FYN: variants seen among roughly 807,000 people sequenced by gnomAD.
FYN encodes the protein FYN proto-oncogene, Src family tyrosine kinase.
Under a neutral mutation model 70.2 loss-of-function variants are expected in FYN, and 10 were observed. The observed-to-expected ratio is 0.14, with a 90% CI of 0.09 to 0.24. The LOEUF is 0.24. FYN is among the 10% of genes least tolerant of loss of function. The pLI is 1.00. For missense variants in FYN, 319 were observed against 673.1 expected, an observed-to-expected ratio of 0.47 and a Z score of 5.82; for synonymous variants, 236 against 248.6, an observed-to-expected ratio of 0.95 and a Z score of 0.48.
intron 12 of FYN, among the ~76,000 whole-genome samples, chr6:111,692,954 G>A (rs1474096742): frequency 2.0e-5 from 3 of 152,190 alleles, no homozygotes; most frequent in South Asian, 2.1e-4. Flanking sequence ...GCCCAGCACC[G>A]GGGGTGTATG....
In FYN at chr6:111,853,458, C is replaced by T. The variant is rs118164292; in HGVS notation, c.-122-6829G>A. Among the ~76,000 whole-genome samples, 140 of 152,010 alleles carry T rather than the reference C, an allele frequency of 9.2e-4. 2 individuals are homozygous for T. In the East Asian group the frequency reaches 0.024, roughly 26 times the overall value. ...CCTTCTGACAAAGAAGGCACATAGC[C>T]AGGTGTATGTTCCCTGGAAGCTTAA... On this transcript the variant is annotated intron_variant, in intron 1 of 13. Coordinates refer to ENST00000354650, the MANE Select transcript of FYN (RefSeq NM_002037.5).
intron 2 of FYN, among the ~76,000 whole-genome samples, chr6:111,790,247 TACACACACACACACACACACACACACAC>T (rs61565042): frequency 7.9e-5 from 10 of 125,874 alleles, no homozygotes; most frequent in Non-Finnish European, 1.3e-4. Flanking sequence ...GAACCTTAGA[TACACACACACACACACACACACACACAC>T]ACACACACAC....
intron 3 of FYN, among the ~76,000 whole-genome samples, chr6:111,740,632 GGCCCTGGCCTATGTGTCTA>G: frequency 6.6e-6 from 1 of 152,224 alleles, no homozygotes; most frequent in South Asian, 2.1e-4. Context: ...ATCCTGCTCT[GGCCCTGGCCTATGTGTCTA>G]GCCCCATCTT....
chr6:111,793,445 C>T (rs1344873124), intron 2 of FYN, among the ~76,000 whole-genome samples: 5 of 151,968 alleles, frequency 3.3e-5, no homozygotes, highest in African/African-American at 4.8e-5. Flanking sequence ...TTGGGATAAA[C>T]GGGTTTTCCC....
At chr6:111,785,501 A>G (rs1251832982) in intron 2 of FYN, among the ~76,000 whole-genome samples, 1 of 152,074 alleles carries the variant, frequency 6.6e-6, no homozygotes, top group African/African-American at 2.4e-5. Flanking sequence ...AACACACACA[A>G]ACTCTGGTTA....
chr6:111,849,893 G>A lies in FYN; in HGVS notation c.-122-3264C>T, dbSNP rs148383735. On this transcript the variant is annotated intron_variant, in intron 1 of 13. Transcript: ENST00000354650. ...GATTTCCTCTTCTCTGTGTTCCCACGGCACTTTGTGCAGAGCCTGTTTCGT... is the reference window on the plus strand; with the variant it reads ...GATTTCCTCTTCTCTGTGTTCCCACAGCACTTTGTGCAGAGCCTGTTTCGT... Among the ~76,000 whole-genome samples, 1,435 of 152,232 alleles carry A rather than the reference G, an allele frequency of 9.4e-3. 12 individuals are homozygous for A. The highest frequency in any genetic ancestry group is 0.02 in the Middle Eastern group (6 of 294).
At chr6:111,864,316 G>A (rs918151779) in intron 1 of FYN, among the ~76,000 whole-genome samples, 2 of 152,196 alleles carry the variant, frequency 1.3e-5, no homozygotes, top group African/African-American at 4.8e-5. Context: ...TCAGATCCCA[G>A]CTCTGTCACT....
chr6:111,821,975 A>C (rs931072344), intron 2 of FYN, among the ~76,000 whole-genome samples: 1 of 152,142 alleles, frequency 6.6e-6, no homozygotes, highest in Non-Finnish European at 1.5e-5. Flanking sequence ...AAAAATCAGG[A>C]AAGAACAGGT....
At position 111,661,541 on chromosome 6, in the gene FYN, G is replaced by A. The variant is rs1797729631; in HGVS notation, c.*198C>T. ...CTGAGAAATAACAAGGTTCTGTCTC[G>A]AATGCTTCACAGAGGAGGTTCGGAT... On this transcript the variant is annotated 3_prime_UTR_variant, in exon 14 of 14. Coordinates refer to ENST00000354650, the MANE Select transcript of FYN (RefSeq NM_002037.5). This position sits in a 1 kb window ranked among gnomAD's most constrained non-coding sequence, Gnocchi z 4.0. The A allele has an allele frequency of 1.4e-5, 8 of 569,732 alleles. No individual in the cohort carries two copies. The highest frequency in any genetic ancestry group is 2.5e-5 in the Non-Finnish European group (8 of 321,198). The allele number at this position is 569,732 out of a possible 1,614,324, so 35.3% of individuals were successfully genotyped here.
At chr6:111,862,583 G>A (rs1230213480) in intron 1 of FYN, among the ~76,000 whole-genome samples, 1 of 152,152 alleles carries the variant, frequency 6.6e-6, no homozygotes, top group Non-Finnish European at 1.5e-5. Flanking sequence ...AGTGTGCTAC[G>A]TGCCTTAGGT....
At chr6:111,740,103 T>C (rs1026140397) in intron 3 of FYN, among the ~76,000 whole-genome samples, 3 of 152,160 alleles carry the variant, frequency 2.0e-5, no homozygotes, top group Non-Finnish European at 2.9e-5. Context: ...GTATCTCACT[T>C]TGGCCCCTAT....
chr6:111,695,329 G>A (rs1357517281), intron 10 of FYN, among the ~76,000 whole-genome samples: 1 of 152,192 alleles, frequency 6.6e-6, no homozygotes, highest in Non-Finnish European at 1.5e-5. Context: ...GAATATGGGT[G>A]GGGCAGATGG....
chr6:111,713,026 C>T (rs1800459427), intron 5 of FYN, among the ~76,000 whole-genome samples: 1 of 152,206 alleles, frequency 6.6e-6, no homozygotes, highest in Admixed American at 6.5e-5. Context: ...GTTAAAAAAA[C>T]ACCACCCCAC....
chr6:111,693,699 T>G (rs752042217), intron 12 of FYN, among the ~76,000 whole-genome samples: 12 of 152,036 alleles, frequency 7.9e-5, no homozygotes, highest in Non-Finnish European at 1.6e-4. Flanking sequence ...CCATCTGTAG[T>G]GTAAGTCCAC....
chr6:111,721,124 T>TGACG (rs1325380810), intron 3 of FYN, among the ~76,000 whole-genome samples: 11 of 152,222 alleles, frequency 7.2e-5, no homozygotes, highest in Non-Finnish European at 1.5e-4. Context: ...CATGTCCTAG[T>TGACG]TAATAAGGCA....
chr6:111,768,018 G>A (rs542794261), intron 3 of FYN, among the ~76,000 whole-genome samples: 1 of 152,260 alleles, frequency 6.6e-6, no homozygotes, highest in Admixed American at 6.5e-5. Context: ...CAGGAATCAC[G>A]TGCTGTGGCT....
intron 3 of FYN, among the ~76,000 whole-genome samples, chr6:111,758,449 T>C (rs1242784217): frequency 2.0e-5 from 3 of 152,198 alleles, no homozygotes; most frequent in Admixed American, 6.5e-5. Flanking sequence ...TGTATATTAA[T>C]GTGGACGTTA....
At chr6:111,689,122 C>T (rs560244531) in intron 12 of FYN, among the ~76,000 whole-genome samples, 1 of 152,164 alleles carries the variant, frequency 6.6e-6, no homozygotes, top group East Asian at 1.9e-4. Flanking sequence ...ATAGATAGCC[C>T]ATGTAAGTTT....
At chr6:111,757,478 C>T (rs1802791455) in intron 3 of FYN, among the ~76,000 whole-genome samples, 1 of 152,168 alleles carries the variant, frequency 6.6e-6, no homozygotes, top group Non-Finnish European at 1.5e-5. Context: ...TGGTGAATCA[C>T]ACTTATTCAC....
Sources: allele counts gnomAD v4.1 joint callset (sites outside exome capture counted in the v4.1 genomes callset), GRCh38; gene constraint gnomAD v4.1.1; non-coding constraint Gnocchi (gnomAD v3.1); transcripts MANE v1.5; gene names NCBI Gene and HGNC (gene_info 2026-07-23, HGNC 2026-07-21).